PIK3R5: variants seen among roughly 807,000 people sequenced by gnomAD.
PIK3R5 encodes phosphoinositide 3-kinase regulatory subunit 5.
Under a neutral mutation model 94.9 loss-of-function variants are expected in PIK3R5, and 32 were observed. The ratio of observed to expected loss-of-function variants is 0.34; its 90% CI spans 0.25 to 0.45. The LOEUF (loss-of-function observed/expected upper bound fraction) is 0.45. Ranked by LOEUF, PIK3R5 falls within the 20% of genes least tolerant of loss-of-function variation. PIK3R5 has a pLI of 1.00. For synonymous variants in PIK3R5, 443 were observed against 479.4 expected, an observed-to-expected ratio of 0.92 and a Z score of 0.99; for missense variants, 853 against 1,144.6, an observed-to-expected ratio of 0.75 and a Z score of 3.68.
At chr17:8,956,769 A>G (rs1024426646) in intron 1 of PIK3R5, among the ~76,000 whole-genome samples, 1 of 152,230 alleles carries the variant, frequency 6.6e-6, no homozygotes, top group African/African-American at 2.4e-5. Flanking sequence ...ATCAATTCCC[A>G]GCTCAACCTG....
At chr17:8,926,414 C>T (rs1162048967) in intron 1 of PIK3R5, among the ~76,000 whole-genome samples, 1 of 152,062 alleles carries the variant, frequency 6.6e-6, no homozygotes, top group Non-Finnish European at 1.5e-5. Context: ...GAAAAACTAC[C>T]CGTATTAGTC....
intron 5 of PIK3R5, among the ~76,000 whole-genome samples, chr17:8,895,200 C>T (rs1481706369): frequency 2.6e-5 from 4 of 152,210 alleles, no homozygotes; most frequent in East Asian, 1.9e-4. Flanking sequence ...ACCATAGCTA[C>T]CATAGCGGAG....
chr17:8,935,259 G>T lies in PIK3R5; in HGVS notation c.-13-23752C>A, dbSNP rs1478142912. Among the ~76,000 whole-genome samples the T allele has an allele frequency of 6.6e-6, 1 of 152,128 alleles. No individual in the cohort carries two copies. Among genetic ancestry groups the T allele is most frequent in the Non-Finnish European group, 1.5e-5 (1 of 68,028 alleles). On this transcript the variant is annotated intron_variant, in intron 1 of 18. Transcript: ENST00000447110. The surrounding 1 kb of genome is among the most constrained non-coding windows in gnomAD (Gnocchi z 4.5). ...GTTCTAACCCCAGTGCCTGGCACAG[G>T]GTCTGGGCAGATTCTCCCTGGAAAG...
chr17:8,947,250 C>A (rs1437023147), intron 1 of PIK3R5, among the ~76,000 whole-genome samples: 1 of 152,136 alleles, frequency 6.6e-6, no homozygotes, highest in East Asian at 1.9e-4. Context: ...TTAAATGAAT[C>A]CCTGCTCCTC....
In PIK3R5 at chr17:8,879,138, A is replaced by G. The variant is rs1348902865; in HGVS notation, c.*1501T>C. ...TGGCTCTGTCCACGTCTCTCAAGTCATGAGTACTCTGGGCTGGAATTTCAC... is the reference window on the plus strand; with the variant it reads ...TGGCTCTGTCCACGTCTCTCAAGTCGTGAGTACTCTGGGCTGGAATTTCAC... On this transcript the variant is annotated 3_prime_UTR_variant, in exon 19 of 19. Coordinates refer to ENST00000447110, the MANE Select transcript of PIK3R5 (RefSeq NM_001142633.3). The surrounding 1 kb of genome is among the most constrained non-coding windows in gnomAD (Gnocchi z 4.4). 1 of 152,202 alleles carries G rather than the reference A, an allele frequency of 6.6e-6. No individual in the cohort carries two copies. The highest frequency in any genetic ancestry group is 1.5e-5 in the Non-Finnish European group (1 of 68,046). 9.4% of individuals were successfully genotyped at this position (152,202 alleles called of 1,614,324 possible). A position where few individuals can be genotyped will look rare whatever the true frequency, so the allele number is the denominator to read the frequency against.
intron 6 of PIK3R5, among the ~76,000 whole-genome samples, chr17:8,891,743 C>T (rs1188737038): frequency 6.6e-6 from 1 of 151,822 alleles, no homozygotes; most frequent in Non-Finnish European, 1.5e-5. Context: ...ACTACAGGCA[C>T]CCGCCACCAC....
chr17:8,913,375 C>T (rs908391027), intron 1 of PIK3R5, among the ~76,000 whole-genome samples: 1 of 152,186 alleles, frequency 6.6e-6, no homozygotes, highest in Admixed American at 6.5e-5. Flanking sequence ...AGGTCCCATG[C>T]CTTCTGGCTG....
chr17:8,948,178 C>T (rs1294167327), intron 1 of PIK3R5, among the ~76,000 whole-genome samples: 4 of 151,964 alleles, frequency 2.6e-5, no homozygotes, highest in East Asian at 1.9e-4. Flanking sequence ...AGACAGTGGC[C>T]GACGCATGAG....
chr17:8,914,873 C>T, intron 1 of PIK3R5, among the ~76,000 whole-genome samples: 1 of 152,232 alleles, frequency 6.6e-6, no homozygotes, highest in Non-Finnish European at 1.5e-5. Context: ...ATGAGGGAAA[C>T]CTATCAGAAG....
rs1177868994 is a variant in PIK3R5 at position 8,911,304 on chromosome 17, G to A, written c.103+88C>T. ...ACAGACAGGGTTTCACCTAGAATTT[G>A]CCAGTTTCCATGCCTGGTCCAGTGC... On this transcript the variant is annotated intron_variant, in intron 2 of 18. Coordinates refer to ENST00000447110, the MANE Select transcript of PIK3R5 (RefSeq NM_001142633.3). The surrounding 1 kb of genome is among the most constrained non-coding windows in gnomAD (Gnocchi z 5.3). 8 of 991,012 alleles carry A rather than the reference G, an allele frequency of 8.1e-6. No homozygotes were observed. Among genetic ancestry groups the A allele is most frequent in the African/African-American group, 1.6e-5 (1 of 63,072 alleles). The allele number at this position is 991,012 out of a possible 1,614,324, so 61.4% of individuals were successfully genotyped here. A position where few individuals can be genotyped will look rare whatever the true frequency, so the allele number is the denominator to read the frequency against.
In PIK3R5 at chr17:8,909,037, C is replaced by T; in HGVS notation, c.204+37G>A. The T allele has an allele frequency of 7.6e-7, 1 of 1,322,146 alleles. No homozygotes were observed. Among genetic ancestry groups the T allele is most frequent in the Non-Finnish European group, 1.1e-6 (1 of 926,114 alleles). The allele number at this position is 1,322,146 out of a possible 1,614,324, so 81.9% of individuals were successfully genotyped here. On this transcript the variant is annotated intron_variant, in intron 3 of 18. Coordinates refer to ENST00000447110, the MANE Select transcript of PIK3R5 (RefSeq NM_001142633.3). The surrounding 1 kb of genome is among the most constrained non-coding windows in gnomAD (Gnocchi z 4.3). ...CTATTTCTCCACTCTACGAGGCCGA[C>T]CCCAGATCTGCCCTTCAATTCCTGA...
chr17:8,933,118 G>T (rs1027436425), intron 1 of PIK3R5, among the ~76,000 whole-genome samples: 1 of 152,006 alleles, frequency 6.6e-6, no homozygotes, highest in Non-Finnish European at 1.5e-5. Flanking sequence ...AACAAAAAAA[G>T]GACTTTCAAC....
rs1412763917 is a variant in PIK3R5 at position 8,884,525 on chromosome 17, G to A, written c.2205+182C>T. 1.3e-5 allele frequency among the ~76,000 whole-genome samples: 2 copies of A among 152,130 alleles called. No individual in the cohort carries two copies. Among genetic ancestry groups the A allele is most frequent in the Non-Finnish European group, 2.9e-5 (2 of 68,008 alleles). ...GGAGAGAGGCTTTGGAGGCCAAGAA[G>A]CACAGAGATATCCACTCCTTCCCTT... On this transcript the variant is annotated intron_variant, in intron 15 of 18. Transcript: ENST00000447110. The surrounding 1 kb of genome is among the most constrained non-coding windows in gnomAD (Gnocchi z 5.8).
intron 1 of PIK3R5, among the ~76,000 whole-genome samples, chr17:8,951,987 G>A (rs1366893078): frequency 6.6e-6 from 1 of 152,230 alleles, no homozygotes; most frequent in Non-Finnish European, 1.5e-5. Flanking sequence ...AGAAGGAAGA[G>A]GCATGCACTT....
chr17:8,913,449 G>A lies in PIK3R5; in HGVS notation c.-13-1942C>T, dbSNP rs149833293. On this transcript the variant is annotated intron_variant, in intron 1 of 18. Transcript: ENST00000447110. The stretch of plus-strand genomic sequence containing the variant: ...TGGCTGGGTGCGGTGGCTCATGCCC[G>A]TAATCCCAGCACTTTGGGAGGCCAA... 2.8e-3 allele frequency among the ~76,000 whole-genome samples: 422 copies of A among 152,348 alleles called. 1 individual carries two copies. The highest frequency in any genetic ancestry group is 9.3e-3 in the African/African-American group (388 of 41,582).
intron 5 of PIK3R5, among the ~76,000 whole-genome samples, chr17:8,894,143 G>A (rs1177647729): frequency 2.0e-5 from 3 of 152,198 alleles, no homozygotes; most frequent in African/African-American, 4.8e-5. Flanking sequence ...TTAGATCCGT[G>A]GCCTCTGAGG....
rs1246061150 is a variant in PIK3R5 at position 8,888,044 on chromosome 17, T to TAAA, written c.1616+126_1616+127insTTT. Reference sequence around the variant, plus strand: ...ATAATAATAATAATAATAATAATAATAATAAAATAAAAATAAATAAGGGAA... The same window carrying TAAA: ...ATAATAATAATAATAATAATAATAATAAAAATAAAATAAAAATAAATAAGGGAA... On this transcript the variant is annotated intron_variant, in intron 10 of 18. Coordinates refer to ENST00000447110, the MANE Select transcript of PIK3R5 (RefSeq NM_001142633.3). The surrounding 1 kb of genome is among the most constrained non-coding windows in gnomAD (Gnocchi z 7.8). 3.5e-6 allele frequency: 1 copy of TAAA among 282,348 alleles called. No individual in the cohort carries two copies. Among genetic ancestry groups the TAAA allele is most frequent in the African/African-American group, 2.4e-5 (1 of 41,710 alleles). The allele number at this position is 282,348 out of a possible 1,614,324, so 17.5% of individuals were successfully genotyped here.
chr17:8,901,704 G>T (rs549440939), intron 5 of PIK3R5, among the ~76,000 whole-genome samples: 2 of 152,186 alleles, frequency 1.3e-5, no homozygotes, highest in African/African-American at 4.8e-5. Flanking sequence ...AACATACTTA[G>T]TATTGGGGGG....
Position 8,917,537 on chromosome 17 carries a change from A to G in PIK3R5, c.-13-6030T>C, listed in dbSNP as rs530152375. 2.6e-5 allele frequency among the ~76,000 whole-genome samples: 4 copies of G among 152,340 alleles called. No homozygotes were observed. The South Asian group carries it at 6.2e-4, about 24-fold the overall frequency. On this transcript the variant is annotated intron_variant, in intron 1 of 18. Coordinates refer to ENST00000447110, the MANE Select transcript of PIK3R5 (RefSeq NM_001142633.3). ...AGACAAATACTGTTTTCCAGTTATT[A>G]AATATGTTTCTCATATGAATGTGAG...
Sources: allele counts gnomAD v4.1 joint callset (sites outside exome capture counted in the v4.1 genomes callset), GRCh38; gene constraint gnomAD v4.1.1; non-coding constraint Gnocchi (gnomAD v3.1); transcripts MANE v1.5; gene names NCBI Gene and HGNC (gene_info 2026-07-23, HGNC 2026-07-21).